The following UBE2R2 variants were observed in gnomAD, a reference collection of about 807,000 sequenced individuals.
UBE2R2 encodes ubiquitin conjugating enzyme E2 R2.
Under a neutral mutation model 27.8 loss-of-function variants are expected in UBE2R2, and 1 was observed. That is an observed-to-expected ratio of 0.04 (90% CI 0.01 to 0.17). The LOEUF is 0.17. Ranked by LOEUF, UBE2R2 falls within the 10% of genes least tolerant of loss-of-function variation. The probability of loss-of-function intolerance (pLI) is 1.00; values close to 1 mark genes in which losing one functional copy is unlikely to be tolerated. For synonymous variants in UBE2R2, 106 were observed against 113.3 expected (o/e 0.94, Z 0.41); for missense variants, 100 against 291.0 (o/e 0.34, Z 4.78).
chr9:33,896,101 A>T (rs922610260), intron 2 of UBE2R2, among the ~76,000 whole-genome samples: 1 of 152,052 alleles, frequency 6.6e-6, no homozygotes, highest in Non-Finnish European at 1.5e-5. Context: ...GACAATTATC[A>T]ATGGAATTGT....
At chr9:33,857,124 G>C (rs1428879410) in intron 1 of UBE2R2, among the ~76,000 whole-genome samples, 3 of 151,526 alleles carry the variant, frequency 2.0e-5, no homozygotes, top group African/African-American at 2.4e-5. Flanking sequence ...TCTAACTCTT[G>C]ACCTCAGGTG....
intron 1 of UBE2R2, among the ~76,000 whole-genome samples, chr9:33,873,432 G>A (rs986675207): frequency 6.6e-6 from 1 of 152,058 alleles, no homozygotes; most frequent in Non-Finnish European, 1.5e-5. Flanking sequence ...TTAAGCAAAA[G>A]TTTATTGATA....
chr9:33,912,647 A>C (rs1822519733), intron 4 of UBE2R2, among the ~76,000 whole-genome samples: 1 of 152,020 alleles, frequency 6.6e-6, no homozygotes, highest in Non-Finnish European at 1.5e-5. Context: ...AATTGAATAA[A>C]TAAAGCCTTC....
At chr9:33,826,393 G>C (rs535293347) in intron 1 of UBE2R2, among the ~76,000 whole-genome samples, 1 of 152,114 alleles carries the variant, frequency 6.6e-6, no homozygotes, top group East Asian at 1.9e-4. Context: ...TCAGGTGTTG[G>C]AATATGTATT....
chr9:33,832,551 G>A (rs1490146658), intron 1 of UBE2R2, among the ~76,000 whole-genome samples: 3 of 151,034 alleles, frequency 2.0e-5, no homozygotes, highest in African/African-American at 7.3e-5. Context: ...CAGCTACTTG[G>A]GAGGCTGAGG....
At chr9:33,891,045 G>GT in intron 2 of UBE2R2, among the ~76,000 whole-genome samples, 1 of 68,908 alleles carries the variant, frequency 1.5e-5, no homozygotes, top group South Asian at 6.9e-4. Flanking sequence ...TGTTGTTGTT[G>GT]TGTTTTTTTG....
At chr9:33,839,203 A>G (rs1475434030) in intron 1 of UBE2R2, among the ~76,000 whole-genome samples, 1 of 152,048 alleles carries the variant, frequency 6.6e-6, no homozygotes, top group East Asian at 1.9e-4. Context: ...TTACGTCGTG[A>G]GGGCTCTGGC....
At chr9:33,830,885 A>G (rs1343289183) in intron 1 of UBE2R2, 1 of 152,084 alleles carries the variant, frequency 6.6e-6, no homozygotes, top group Non-Finnish European at 1.5e-5. Context: ...AGTAGCAAAC[A>G]TAGTAATTTG....
At chr9:33,839,935 G>A (rs1355479714) in intron 1 of UBE2R2, among the ~76,000 whole-genome samples, 2 of 152,088 alleles carry the variant, frequency 1.3e-5, no homozygotes, top group Non-Finnish European at 2.9e-5. Context: ...GTTTGAGGCT[G>A]CAGTGAGCTA....
At chr9:33,878,142 C>CTTTG (rs1563997907) in intron 1 of UBE2R2, among the ~76,000 whole-genome samples, 4 of 152,234 alleles carry the variant, frequency 2.6e-5, no homozygotes, top group African/African-American at 9.6e-5. Context: ...CTCATACAAA[C>CTTTG]GCATTAAATA....
At chr9:33,872,773 C>T (rs529708414) in intron 1 of UBE2R2, among the ~76,000 whole-genome samples, 47 of 141,284 alleles carry the variant, frequency 3.3e-4, no homozygotes, top group African/African-American at 1.1e-3. Context: ...GCAACAAGAG[C>T]GAAACTCCAT....
intron 1 of UBE2R2, among the ~76,000 whole-genome samples, chr9:33,850,939 CT>C (rs1054260103): frequency 1.3e-5 from 2 of 152,226 alleles, no homozygotes; most frequent in African/African-American, 4.8e-5. Flanking sequence ...CCAATATTTA[CT>C]TAAACCAAAT....
At chr9:33,853,473 C>T (rs1249755177) in intron 1 of UBE2R2, among the ~76,000 whole-genome samples, 1 of 151,870 alleles carries the variant, frequency 6.6e-6, no homozygotes, top group East Asian at 1.9e-4. Context: ...TTAGTAGAGA[C>T]GGGGTTTCTC....
At position 33,817,460 on chromosome 9, in the gene UBE2R2, G is replaced by C. The variant is rs1047130296; in HGVS notation, c.-298G>C. ...CCCCCCCCAAGTTGAGGCCCCCTCC[G>C]GGGGGGGGAGGCCCGGGACCGGGAC... On this transcript the variant is annotated 5_prime_UTR_variant, in exon 1 of 5. Coordinates refer to ENST00000263228, the MANE Select transcript of UBE2R2 (RefSeq NM_017811.4). 3.6e-4 allele frequency: 55 copies of C among 152,714 alleles called. 1 individual carries two copies. Among genetic ancestry groups the C allele is most frequent in the Non-Finnish European group, 5.3e-4 (37 of 70,222 alleles). 9.5% of individuals were successfully genotyped at this position (152,714 alleles called of 1,614,324 possible). A position where few individuals can be genotyped will look rare whatever the true frequency, so the allele number is the denominator to read the frequency against.
intron 3 of UBE2R2, among the ~76,000 whole-genome samples, chr9:33,901,738 C>G (rs1423359872): frequency 1.3e-5 from 2 of 152,048 alleles, no homozygotes; most frequent in Non-Finnish European, 2.9e-5. Flanking sequence ...TACCTTGTTC[C>G]ATCCAATTTA....
At chr9:33,905,642 A>G (rs1389587516) in intron 3 of UBE2R2, among the ~76,000 whole-genome samples, 3 of 152,230 alleles carry the variant, frequency 2.0e-5, no homozygotes, top group Non-Finnish European at 2.9e-5. Flanking sequence ...GAAACTTTAT[A>G]ATAATGTAAA....
At chr9:33,916,881 A>G in intron 4 of UBE2R2, 137 bp from the exon 5 acceptor site, 3 of 1,327,050 alleles carry the variant, frequency 2.3e-6, no homozygotes, top group Non-Finnish European at 3.0e-6. Flanking sequence ...AGTACAGGGT[A>G]TCTGTCAGAT....
chr9:33,852,774 G>A (rs1411829443), intron 1 of UBE2R2, among the ~76,000 whole-genome samples: 11 of 152,110 alleles, frequency 7.2e-5, no homozygotes, highest in African/African-American at 1.2e-4. Flanking sequence ...TTGGGAGGCC[G>A]AGGCAGGTGG....
rs1024731931 is a variant in UBE2R2 at position 33,817,202 on chromosome 9, TCTC to T, written c.-545_-543del. Among the ~76,000 whole-genome samples the T allele has an allele frequency of 2.3e-5, 3 of 133,230 alleles. No homozygotes were observed. Among genetic ancestry groups the T allele is most frequent in the African/African-American group, 5.6e-5 (2 of 35,476 alleles). 87.4% of individuals were successfully genotyped at this position (133,230 alleles called of 152,430 possible). A position where few individuals can be genotyped will look rare whatever the true frequency, so the allele number is the denominator to read the frequency against. Reference sequence around the variant, plus strand: ...CTCCCGCGGCGCGAGGCGCTCTCGCTCTCCTCCTCCTCCGCCGTCGCCCCTCCC... The same window carrying T: ...CTCCCGCGGCGCGAGGCGCTCTCGCTCTCCTCCTCCGCCGTCGCCCCTCCC... On this transcript the variant is annotated 5_prime_UTR_variant, in exon 1 of 5. Transcript: ENST00000263228.
Sources: gnomAD v4.1 joint callset for allele counts (sites outside exome capture counted in the v4.1 genomes callset) on GRCh38, gnomAD v4.1.1 for gene constraint, MANE v1.5 for transcripts, NCBI Gene and HGNC (gene_info 2026-07-23, HGNC 2026-07-21) for gene names.